RLN2: variants seen among roughly 807,000 people sequenced by gnomAD.
The protein encoded by RLN2 is relaxin 2.
Under a neutral mutation model 7.3 loss-of-function variants are expected in RLN2, and 10 were observed. That is an observed-to-expected ratio of 1.36 (90% CI 0.84 to 2.31). The LOEUF (loss-of-function observed/expected upper bound fraction) is 2.31. Ranked by LOEUF, RLN2 falls within the 30% of genes most tolerant of loss-of-function variation. RLN2 has a pLI of 0.00. For synonymous variants in RLN2, 103 were observed against 82.3 expected (o/e 1.25, Z -1.36); for missense variants, 298 against 217.6 (o/e 1.37, Z -2.32).
At chr9:5,332,765 A>T in the RLN2 span, among the ~76,000 whole-genome samples, 1 of 151,684 alleles carries the variant, frequency 6.6e-6, no homozygotes, top group Non-Finnish European at 1.5e-5. Flanking sequence ...ACAGGCGCAC[A>T]CCACCACTCC....
At chr9:5,313,771 A>G in the RLN2 span, among the ~76,000 whole-genome samples, 3 of 152,104 alleles carry the variant, frequency 2.0e-5, no homozygotes, top group Admixed American at 2.0e-4. Flanking sequence ...CCACCCTCCC[A>G]AAGATAGCCA....
the RLN2 span, among the ~76,000 whole-genome samples, chr9:5,327,700 C>G: frequency 6.6e-6 from 1 of 152,076 alleles, no homozygotes; most frequent in African/African-American, 2.4e-5. Flanking sequence ...TGGGATGAAG[C>G]TTCCAGAGGA....
the RLN2 span, among the ~76,000 whole-genome samples, chr9:5,324,091 C>T: frequency 6.6e-6 from 1 of 151,800 alleles, no homozygotes; most frequent in Non-Finnish European, 1.5e-5. Context: ...CCAATCAGCT[C>T]TTAAGGTGGT....
chr9:5,333,232 C>T, the RLN2 span, among the ~76,000 whole-genome samples: 1 of 151,976 alleles, frequency 6.6e-6, no homozygotes, highest in African/African-American at 2.4e-5. Flanking sequence ...GAAGGAAATA[C>T]CATTTCTCTG....
chr9:5,310,763 C>A, the RLN2 span, among the ~76,000 whole-genome samples: 2 of 152,006 alleles, frequency 1.3e-5, 1 homozygote, highest in Non-Finnish European at 2.9e-5. Context: ...ATTCTAATTC[C>A]TCCCTTCCAT....
chr9:5,304,208 A>C (rs1816188123), intron 1 of RLN2, 162 bp downstream of exon 1: 3 of 546,004 alleles, frequency 5.5e-6, no homozygotes, highest in Non-Finnish European at 9.3e-6. Context: ...TGGCAAAGGA[A>C]AAGCCCAAAC....
At position 5,300,249 on chromosome 9, in the gene RLN2, C is replaced by T; in HGVS notation, c.407G>A (p.Arg136Lys). Residue 136 changes from arginine (R) to lysine (K), a missense_variant, in exon 2 of 2, where the codon AGA (arginine) becomes AAA (lysine). Transcript: ENST00000381627. ...ACTGCTGTCTGCGGCTTCACTTTGT[C>T]TATTGCGAATAAGTTTCTTAAATTC... ...FEEFKKLIRN[R>K]QSEAADSSPS... 2 of 1,614,024 alleles carry T rather than the reference C, an allele frequency of 1.2e-6. No homozygotes were observed. The highest frequency in any genetic ancestry group is 1.7e-6 in the Non-Finnish European group (2 of 1,179,922).
the RLN2 span, among the ~76,000 whole-genome samples, chr9:5,332,109 TAAAAA>T: frequency 1.3e-5 from 2 of 151,968 alleles, no homozygotes; most frequent in Non-Finnish European, 2.9e-5. Context: ...TTAAGTCAAT[TAAAAA>T]AACAAAACTG....
chr9:5,337,896 C>T, the RLN2 span, among the ~76,000 whole-genome samples: 2 of 151,932 alleles, frequency 1.3e-5, no homozygotes, highest in Non-Finnish European at 2.9e-5. Context: ...TAAATATCCA[C>T]CAAAGAATCT....
upstream of RLN2, among the ~76,000 whole-genome samples, chr9:5,305,360 CA>C (rs1438017950): frequency 4.5e-4 from 12 of 26,484 alleles, 1 homozygote; most frequent in African/African-American, 8.1e-4. Context: ...GAGAACATAC[CA>C]CACACACACA....
At chr9:5,318,585 C>G in the RLN2 span, among the ~76,000 whole-genome samples, 55 of 151,990 alleles carry the variant, frequency 3.6e-4, 1 homozygote, top group African/African-American at 1.2e-3. Flanking sequence ...TACTCAGCAA[C>G]AGATATGGAC....
At chr9:5,335,471 T>A in the RLN2 span, 4 of 1,613,544 alleles carry the variant, frequency 2.5e-6, no homozygotes, top group Non-Finnish European at 3.4e-6. Context: ...TACATACTGC[T>A]GTAGCTCTGG....
the RLN2 span, among the ~76,000 whole-genome samples, chr9:5,323,706 A>G: frequency 6.6e-6 from 1 of 152,024 alleles, no homozygotes; most frequent in Admixed American, 6.6e-5. Flanking sequence ...TAATGTCTTT[A>G]AATATGCAAA....
chr9:5,310,560 T>C, the RLN2 span, among the ~76,000 whole-genome samples: 3 of 152,032 alleles, frequency 2.0e-5, no homozygotes, highest in Admixed American at 6.6e-5. Context: ...TTCCCCATAG[T>C]GCATAGCTTC....
the RLN2 span, among the ~76,000 whole-genome samples, chr9:5,331,861 T>C: frequency 6.6e-6 from 1 of 152,036 alleles, no homozygotes; most frequent in Non-Finnish European, 1.5e-5. Context: ...GCAACCTCTT[T>C]GGAGGGCACA....
At chr9:5,302,138 G>C (rs1271593888) in intron 1 of RLN2, among the ~76,000 whole-genome samples, 1 of 152,128 alleles carries the variant, frequency 6.6e-6, no homozygotes, top group Non-Finnish European at 1.5e-5. Context: ...TATTAGGTTT[G>C]TTCATAGGCT....
chr9:5,311,824 T>G, the RLN2 span: 1 of 621,456 alleles, frequency 1.6e-6, no homozygotes, highest in East Asian at 2.8e-5. Flanking sequence ...TTAGTATTTT[T>G]TTTCTTTTTT....
chr9:5,307,253 GATA>G (rs1816268357), upstream of RLN2, among the ~76,000 whole-genome samples: 1 of 71,722 alleles, frequency 1.4e-5, no homozygotes, highest in African/African-American at 6.3e-5. Context: ...ATAGATAGAT[GATA>G]GATAGATAGA....
At chr9:5,324,721 C>G in the RLN2 span, among the ~76,000 whole-genome samples, 2 of 151,998 alleles carry the variant, frequency 1.3e-5, no homozygotes, top group Non-Finnish European at 2.9e-5. Flanking sequence ...TAAAAGTACG[C>G]AACCTTGCCT....
Sources: gnomAD v4.1 joint callset for allele counts (sites outside exome capture counted in the v4.1 genomes callset) on GRCh38, gnomAD v4.1.1 for gene constraint, MANE v1.5 for transcripts, NCBI Gene and HGNC (gene_info 2026-07-23, HGNC 2026-07-21) for gene names.